ATAD2B: variants seen among roughly 807,000 people sequenced by gnomAD.
ATAD2B encodes the protein ATPase family AAA domain-containing protein 2B.
ATAD2B carries 40 observed loss-of-function variants against 167.6 expected under a neutral mutation model. The ratio of observed to expected loss-of-function variants is 0.24; its 90% CI spans 0.19 to 0.31. ATAD2B has a LOEUF of 0.31. ATAD2B is among the 10% of genes least tolerant of loss of function. The pLI, the probability that ATAD2B is intolerant of heterozygous loss-of-function variation, is 1.00. For synonymous variants in ATAD2B, 579 were observed against 596.5 expected (o/e 0.97, Z 0.43); for missense variants, 1,242 against 1,757.2 (o/e 0.71, Z 5.24).
rs753807057 is a variant in ATAD2B, at chr2:23,885,797, T to C, written c.605A>G (p.Asn202Ser). 1.9e-6 allele frequency: 3 copies of C among 1,594,540 alleles called. No individual in the cohort carries two copies. Reference sequence around the variant, plus strand: ...TCGACGATTCCGTCGGATGTTAATGTTGTCCATTTCCTGTAGTACAGCTTC... The same window carrying C: ...TCGACGATTCCGTCGGATGTTAATGCTGTCCATTTCCTGTAGTACAGCTTC... ...TAEAVLQEMD[N>S]INIRRNRRSG... The change falls in exon 5 of 28, where the codon AAC becomes AGC. Residue 202 changes from asparagine to serine, a missense_variant. Coordinates refer to ENST00000238789, the MANE Select transcript of ATAD2B (RefSeq NM_017552.4).
the ATAD2B span, chr2:23,696,713 T>C: frequency 1.9e-6 from 1 of 520,644 alleles, no homozygotes; most frequent in East Asian, 3.4e-5. The surrounding 1 kb of genome is among the most constrained non-coding windows in gnomAD (Gnocchi z 5.5). Flanking sequence ...GGATGACATC[T>C]GTGTCACCTT....
chr2:23,843,501 C>T (rs983017095), intron 13 of ATAD2B, among the ~76,000 whole-genome samples: 38 of 152,316 alleles, frequency 2.5e-4, no homozygotes, highest in African/African-American at 8.2e-4. Flanking sequence ...TCTCCAATTA[C>T]GGGCTGTGAT....
At chr2:23,899,858 G>A (rs1469389387) in intron 1 of ATAD2B, among the ~76,000 whole-genome samples, 3 of 151,412 alleles carry the variant, frequency 2.0e-5, no homozygotes, top group African/African-American at 4.9e-5. Context: ...CAAAGCACTG[G>A]GATTACAAGT....
At chr2:23,692,319 T>C in the ATAD2B span, among the ~76,000 whole-genome samples, 152 of 152,322 alleles carry the variant, frequency 1.0e-3, 1 homozygote, top group African/African-American at 3.6e-3. Flanking sequence ...ATCTGAACTG[T>C]CCCTTGAGTA....
At chr2:23,862,502 C>T (rs1445109561) in intron 12 of ATAD2B, among the ~76,000 whole-genome samples, 2 of 150,098 alleles carry the variant, frequency 1.3e-5, no homozygotes, top group East Asian at 2.0e-4. Flanking sequence ...CCTTGAACTC[C>T]GGGGCTCATG....
intron 22 of ATAD2B, among the ~76,000 whole-genome samples, chr2:23,767,241 C>A (rs186880924): frequency 3.3e-5 from 5 of 152,104 alleles, no homozygotes; most frequent in African/African-American, 1.2e-4. Flanking sequence ...CCATTTTTCC[C>A]GCCAAAACAC....
At chr2:23,747,409 A>G (rs778602054), downstream of ATAD2B, among the ~76,000 whole-genome samples, 16 of 151,924 alleles carry the variant, frequency 1.1e-4, no homozygotes, top group Non-Finnish European at 2.1e-4. Flanking sequence ...AGATTCTGTA[A>G]CAATACATCT....
chr2:23,722,836 G>A, the ATAD2B span, among the ~76,000 whole-genome samples: 56 of 152,246 alleles, frequency 3.7e-4, no homozygotes, highest in African/African-American at 1.3e-3. Context: ...AAGAGAAAAC[G>A]GTCAAGTCAC....
the ATAD2B span, among the ~76,000 whole-genome samples, chr2:23,687,609 C>T: frequency 5.9e-5 from 9 of 152,170 alleles, no homozygotes; most frequent in Admixed American, 3.3e-4. Context: ...CGAGCAGAGA[C>T]GATGCTTCAG....
intron 18 of ATAD2B, among the ~76,000 whole-genome samples, chr2:23,807,686 C>G (rs866572398): frequency 4.6e-5 from 7 of 151,160 alleles, no homozygotes; most frequent in Middle Eastern, 3.4e-3. Context: ...CATGGTGGCA[C>G]GCACCTGTAG....
At chr2:23,864,100 G>T (rs1267695866) in intron 11 of ATAD2B, among the ~76,000 whole-genome samples, 1 of 151,492 alleles carries the variant, frequency 6.6e-6, no homozygotes, top group East Asian at 1.9e-4. Flanking sequence ...CGCTTCCTGG[G>T]TTCAACTGAT....
intron 23 of ATAD2B, 37 bp from the exon 24 acceptor site, chr2:23,762,383 T>A: frequency 6.3e-7 from 1 of 1,580,908 alleles, no homozygotes; most frequent in East Asian, 2.3e-5. Context: ...CTTTAAATAT[T>A]CCCAGCTACA....
intron 18 of ATAD2B, among the ~76,000 whole-genome samples, chr2:23,807,964 A>G (rs1684781895): frequency 7.7e-6 from 1 of 129,440 alleles, no homozygotes; most frequent in Non-Finnish European, 1.6e-5. Flanking sequence ...TTTATAATAT[A>G]TATATTATAA....
chr2:23,797,902 T>C (rs1031150415), intron 19 of ATAD2B, among the ~76,000 whole-genome samples: 4 of 152,142 alleles, frequency 2.6e-5, no homozygotes, highest in Non-Finnish European at 5.9e-5. Flanking sequence ...AATTCAGGTT[T>C]TGTTCTAAGC....
At chr2:23,849,720 C>CA (rs1378538149) in intron 13 of ATAD2B, among the ~76,000 whole-genome samples, 1 of 152,154 alleles carries the variant, frequency 6.6e-6, no homozygotes, top group Non-Finnish European at 1.5e-5. Context: ...CCCAGCTACT[C>CA]AGGAGGCTGA....
At chr2:23,812,513 TACTC>T (rs944273465) in intron 17 of ATAD2B, among the ~76,000 whole-genome samples, 10 of 152,264 alleles carry the variant, frequency 6.6e-5, no homozygotes, top group Admixed American at 3.3e-4. Context: ...AGTTTCAACT[TACTC>T]ACAACTTTAA....
chr2:23,855,268 A>G (rs992966365), intron 13 of ATAD2B, among the ~76,000 whole-genome samples: 1 of 152,152 alleles, frequency 6.6e-6, no homozygotes, highest in Admixed American at 6.6e-5. Context: ...AAAATGGCGC[A>G]AAAGATTTAC....
intron 13 of ATAD2B, among the ~76,000 whole-genome samples, chr2:23,842,783 T>C (rs1365879592): frequency 6.6e-6 from 1 of 152,168 alleles, no homozygotes; most frequent in African/African-American, 2.4e-5. Context: ...ACTCAAAGGA[T>C]CTAGCTAAAG....
At chr2:23,731,453 ACT>A in the ATAD2B span, among the ~76,000 whole-genome samples, 1 of 152,126 alleles carries the variant, frequency 6.6e-6, no homozygotes, top group African/African-American at 2.4e-5. Context: ...GGATAACCAG[ACT>A]CTACGTGCCT....
Sources: allele counts gnomAD v4.1 joint callset (sites outside exome capture counted in the v4.1 genomes callset), GRCh38; gene constraint gnomAD v4.1.1; non-coding constraint Gnocchi (gnomAD v3.1); transcripts MANE v1.5; gene names NCBI Gene and HGNC (gene_info 2026-07-23, HGNC 2026-07-21).